The following TNS1 variants were observed in gnomAD, a reference collection of about 807,000 sequenced individuals.
TNS1 encodes the protein tensin 1.
TNS1 carries 62 observed loss-of-function variants against 168.6 expected under a neutral mutation model. The observed-to-expected ratio is 0.37, with a 90% CI of 0.30 to 0.45. The LOEUF (loss-of-function observed/expected upper bound fraction) is 0.45, where lower values mean the gene tolerates loss of function less well. Ranked by LOEUF, TNS1 falls within the 20% of genes least tolerant of loss-of-function variation. TNS1 has a pLI of 1.00. For synonymous variants in TNS1, 934 were observed against 933.2 expected (o/e 1.00, Z -0.02); for missense variants, 2,240 against 2,339.4 (o/e 0.96, Z 0.88).
intron 2 of TNS1, among the ~76,000 whole-genome samples, chr2:217,984,394 C>T (rs951760565): frequency 3.9e-5 from 6 of 151,914 alleles, no homozygotes; most frequent in African/African-American, 9.7e-5. Flanking sequence ...AACACAAATT[C>T]GTAAATTTCT....
chr2:218,018,018 G>C (rs916063020), intron 1 of TNS1, among the ~76,000 whole-genome samples: 2 of 152,244 alleles, frequency 1.3e-5, no homozygotes, highest in African/African-American at 4.8e-5. Flanking sequence ...AGGAGATCCA[G>C]TTAGCAGGCT....
At chr2:217,914,660 A>AT (rs1954804752) in intron 4 of TNS1, among the ~76,000 whole-genome samples, 1 of 152,004 alleles carries the variant, frequency 6.6e-6, no homozygotes, top group Non-Finnish European at 1.5e-5. Flanking sequence ...CAATTTTTGT[A>AT]TTTTTAGTAG....
At chr2:217,950,539 C>T (rs919753493) in intron 3 of TNS1, among the ~76,000 whole-genome samples, 1 of 151,470 alleles carries the variant, frequency 6.6e-6, no homozygotes, top group Non-Finnish European at 1.5e-5. Context: ...GGAGGTCTGG[C>T]TGGTGGCGGA....
intron 3 of TNS1, among the ~76,000 whole-genome samples, chr2:217,925,759 A>G (rs1251069942): frequency 6.6e-6 from 1 of 152,168 alleles, no homozygotes; most frequent in East Asian, 1.9e-4. Flanking sequence ...GAAACTTTTC[A>G]TCATCCCAAA....
chr2:217,842,503 A>G (rs1946113829), intron 19 of TNS1, among the ~76,000 whole-genome samples: 1 of 151,960 alleles, frequency 6.6e-6, no homozygotes, highest in Non-Finnish European at 1.5e-5. Context: ...TGTTGGCTCT[A>G]CCTCCAAAAT....
In TNS1 at chr2:217,804,261, T is replaced by G; in HGVS notation, c.*198A>C. 1.9e-6 allele frequency: 1 copy of G among 527,154 alleles called. No individual in the cohort carries two copies. The highest frequency in any genetic ancestry group is 3.2e-6 in the Non-Finnish European group (1 of 317,236). 32.7% of individuals were successfully genotyped at this position (527,154 alleles called of 1,614,324 possible). ...CAAGTTCTTCTCCTCCATCTTTCTC[T>G]CTCTCTCTCTCTCTCTCTCTCTCTC... On this transcript the variant is annotated 3_prime_UTR_variant, in exon 33 of 33. Transcript: ENST00000682258.
rs1463276117 is a variant in TNS1 at position 217,850,623 on chromosome 2, ACG to A, written c.1430-1538_1430-1537del. 2.1e-4 allele frequency: 180 copies of A among 842,832 alleles called. No individual in the cohort carries two copies. The African/African-American group carries it at 3.3e-3, about 15-fold the overall frequency. 52.2% of individuals were successfully genotyped at this position (842,832 alleles called of 1,614,324 possible). Reference sequence around the variant, plus strand: ...CACACACACACACACACACACACACACGCACGCACGCACCTCCCCTTACTCTA... The same window carrying A: ...CACACACACACACACACACACACACACACGCACGCACCTCCCCTTACTCTA... On this transcript the variant is annotated intron_variant, in intron 18 of 32. Coordinates refer to ENST00000682258, the MANE Select transcript of TNS1 (RefSeq NM_001387777.1).
intron 3 of TNS1, among the ~76,000 whole-genome samples, chr2:217,952,604 T>A (rs1286161978): frequency 6.6e-6 from 1 of 152,168 alleles, no homozygotes; most frequent in African/African-American, 2.4e-5. Context: ...TTCACCAAGA[T>A]GGCAGTCCCC....
At chr2:217,915,983 A>G (rs1274230661) in intron 4 of TNS1, among the ~76,000 whole-genome samples, 1 of 152,166 alleles carries the variant, frequency 6.6e-6, no homozygotes, top group African/African-American at 2.4e-5. Flanking sequence ...CTGGTGCCAG[A>G]CCACCGTGTC....
At chr2:218,025,008 C>T (rs1053973593) in intron 1 of TNS1, among the ~76,000 whole-genome samples, 1 of 152,216 alleles carries the variant, frequency 6.6e-6, no homozygotes, top group Non-Finnish European at 1.5e-5. Context: ...GGAGGGCAGG[C>T]AGCCAGGCTG....
intron 18 of TNS1, among the ~76,000 whole-genome samples, chr2:217,862,897 C>A (rs1260626652): frequency 6.6e-6 from 1 of 152,238 alleles, no homozygotes; most frequent in Non-Finnish European, 1.5e-5. Context: ...TGAAGACACA[C>A]TTCCCAACTG....
chr2:217,951,300 G>A (rs1311974640), intron 3 of TNS1, among the ~76,000 whole-genome samples: 2 of 152,100 alleles, frequency 1.3e-5, no homozygotes, highest in Non-Finnish European at 2.9e-5. Flanking sequence ...CAAAGAAGCC[G>A]TCACCACCCC....
intron 22 of TNS1, among the ~76,000 whole-genome samples, chr2:217,823,420 C>T (rs75793379): frequency 0.076 from 11,598 of 152,272 alleles, 599 homozygotes; most frequent in Non-Finnish European, 0.12. Context: ...ACCTTCCTCC[C>T]CTTAGCCCAA....
At chr2:217,983,118 G>C (rs1298065165) in intron 2 of TNS1, among the ~76,000 whole-genome samples, 1 of 152,086 alleles carries the variant, frequency 6.6e-6, no homozygotes, top group Non-Finnish European at 1.5e-5. Flanking sequence ...CAGTCTGTGA[G>C]TGACAAGGGA....
chr2:218,009,894 C>G (rs1041268376), intron 1 of TNS1, among the ~76,000 whole-genome samples: 2 of 152,226 alleles, frequency 1.3e-5, no homozygotes, highest in Non-Finnish European at 2.9e-5. Context: ...AACTCCCCTT[C>G]CCGGATCCCA....
chr2:217,924,111 C>T (rs1397660349), intron 3 of TNS1, among the ~76,000 whole-genome samples: 1 of 152,222 alleles, frequency 6.6e-6, no homozygotes, highest in Non-Finnish European at 1.5e-5. Context: ...CGAAGCCACA[C>T]ACAGAGGTGG....
At chr2:217,982,288 C>A (rs540590721) in intron 2 of TNS1, among the ~76,000 whole-genome samples, 17 of 152,282 alleles carry the variant, frequency 1.1e-4, no homozygotes, top group African/African-American at 4.1e-4. Flanking sequence ...ATCTTCACTG[C>A]ACCTTTATAA....
intron 6 of TNS1, chr2:217,903,587 C>T (rs1953281597): frequency 6.5e-7 from 1 of 1,535,528 alleles, no homozygotes. Context: ...CCAAACAGAA[C>T]TCTCCCCATC....
intron 24 of TNS1, 93 bp downstream of exon 24, chr2:217,817,597 A>G (rs367623569): frequency 1.4e-5 from 16 of 1,157,644 alleles, no homozygotes; most frequent in East Asian, 9.6e-5. Context: ...TCGTCTGCCA[A>G]GAGAATGTCA....
Sources: gnomAD v4.1 joint callset for allele counts (sites outside exome capture counted in the v4.1 genomes callset) on GRCh38, gnomAD v4.1.1 for gene constraint, MANE v1.5 for transcripts, NCBI Gene and HGNC (gene_info 2026-07-23, HGNC 2026-07-21) for gene names.